ITGA3: variants seen among roughly 807,000 people sequenced by gnomAD.
ITGA3 encodes integrin alpha-3.
In ITGA3, 70 loss-of-function variants were observed where a neutral mutation model predicts 131.1. That is an observed-to-expected ratio of 0.53 (90% CI 0.44 to 0.65). The LOEUF (loss-of-function observed/expected upper bound fraction) is 0.65, where lower values mean the gene tolerates loss of function less well. Among genes scored for constraint, ITGA3 ranks in the 30% least tolerant of loss-of-function variants. The pLI, the probability that ITGA3 is intolerant of heterozygous loss-of-function variation, is 0.00. For synonymous variants in ITGA3, 537 were observed against 571.6 expected, an observed-to-expected ratio of 0.94 and a Z score of 0.86; for missense variants, 1,098 against 1,388.6, an observed-to-expected ratio of 0.79 and a Z score of 3.33.
intron 1 of ITGA3, among the ~76,000 whole-genome samples, chr17:50,059,917 C>T (rs558556284): frequency 6.6e-6 from 1 of 152,160 alleles, no homozygotes; most frequent in African/African-American, 2.4e-5. Context: ...CTCATTCTCT[C>T]TCTCCCTCCA....
At position 50,081,197 on chromosome 17, in the gene ITGA3, C is replaced by A. The variant is rs75181404; in HGVS notation, c.2821-113C>A. 5.2e-5 allele frequency: 33 copies of A among 635,602 alleles called. No individual in the cohort carries two copies. The South Asian group carries it at 6.5e-4, about 12-fold the overall frequency. The allele number at this position is 635,602 out of a possible 1,614,324, so 39.4% of individuals were successfully genotyped here. A position where few individuals can be genotyped will look rare whatever the true frequency, so the allele number is the denominator to read the frequency against. On this transcript the variant is annotated intron_variant, in intron 22 of 25. Coordinates refer to ENST00000320031, the MANE Select transcript of ITGA3 (RefSeq NM_002204.4). ...CCTGGCTGACAGATCCTTTGGGGTG[C>A]TGTTTAAGGATGCTACTTGGTGGGA...
Position 50,080,388 on chromosome 17 carries a change from G to T in ITGA3, c.2820+13G>T, listed in dbSNP as rs139327106. ...CACCTTCATCGAGGTCAGTGCCTGG[G>T]TCTGAAGGTCTCTCCTACCATCCAC... On this transcript the variant is annotated intron_variant, in intron 22 of 25. Coordinates refer to ENST00000320031, the MANE Select transcript of ITGA3 (RefSeq NM_002204.4). 4,488 of 1,532,310 alleles carry T rather than the reference G, an allele frequency of 2.9e-3. 140 individuals are homozygous for T. The South Asian group carries it at 0.048, about 16-fold the overall frequency. 94.9% of individuals were successfully genotyped at this position (1,532,310 alleles called of 1,614,324 possible). A position where few individuals can be genotyped will look rare whatever the true frequency, so the allele number is the denominator to read the frequency against.
Position 50,089,135 on chromosome 17 carries a change from A to G in ITGA3, c.*57A>G, listed in dbSNP as rs762235699. 6.2e-7 allele frequency: 1 copy of G among 1,613,264 alleles called. No individual in the cohort carries two copies. The highest frequency in any genetic ancestry group is 1.1e-5 in the South Asian group (1 of 91,040). On this transcript the variant is annotated 3_prime_UTR_variant, in exon 26 of 26. Transcript: ENST00000320031. ...TGTGACTTCTTTAAGCGGACCCGCT[A>G]TTATCAGATCATGCCCAAGTACCAC...
At chr17:50,087,619 G>A in intron 23 of ITGA3, 125 bp from the exon 24 acceptor site, 2 of 1,122,260 alleles carry the variant, frequency 1.8e-6, no homozygotes, top group African/African-American at 1.5e-5. Context: ...GCTTTTTCCA[G>A]TCCCAGGCTG....
chr17:50,064,886 A>T lies in ITGA3; in HGVS notation c.414+279A>T, dbSNP rs1908260647. On this transcript the variant is annotated intron_variant, in intron 3 of 25. Transcript: ENST00000320031. This position sits in a 1 kb window ranked among gnomAD's most constrained non-coding sequence, Gnocchi z 4.4. Reference sequence around the variant, plus strand: ...TGGGTGCTCAGCCTTCGTGGGAACAAGCCGAGGGAGCCGAGGGAACTGCAA... The same window carrying T: ...TGGGTGCTCAGCCTTCGTGGGAACATGCCGAGGGAGCCGAGGGAACTGCAA... 1 of 319,808 alleles carries T rather than the reference A, an allele frequency of 3.1e-6. No individual in the cohort carries two copies. Among genetic ancestry groups the T allele is most frequent in the Admixed American group, 4.8e-5 (1 of 20,632 alleles). 19.8% of individuals were successfully genotyped at this position (319,808 alleles called of 1,614,324 possible).
rs896798365 is a variant in ITGA3 at position 50,064,816 on chromosome 17, C to T, written c.414+209C>T. 22 of 518,712 alleles carry T rather than the reference C, an allele frequency of 4.2e-5. No individual in the cohort carries two copies. Among genetic ancestry groups the T allele is most frequent in the Middle Eastern group, 9.9e-4 (2 of 2,020 alleles). The allele number at this position is 518,712 out of a possible 1,614,324, so 32.1% of individuals were successfully genotyped here. A position where few individuals can be genotyped will look rare whatever the true frequency, so the allele number is the denominator to read the frequency against. ...TCCTGTGCTCTCCCAAACCCCCGCA[C>T]GGCCTGAGTTCTCTGACTCATCCAC... On this transcript the variant is annotated intron_variant, in intron 3 of 25. Coordinates refer to ENST00000320031, the MANE Select transcript of ITGA3 (RefSeq NM_002204.4). The surrounding 1 kb of genome is among the most constrained non-coding windows in gnomAD (Gnocchi z 4.4).
intron 23 of ITGA3, 168 bp from the exon 24 acceptor site, chr17:50,087,576 C>T (rs1403412986): frequency 1.5e-6 from 1 of 677,206 alleles, no homozygotes; most frequent in Admixed American, 2.5e-5. Context: ...GCAGGAAGGA[C>T]CACTGGACCT....
intron 23 of ITGA3, among the ~76,000 whole-genome samples, chr17:50,081,914 T>G (rs1055556087): frequency 1.3e-5 from 2 of 152,186 alleles, no homozygotes; most frequent in Non-Finnish European, 2.9e-5. Context: ...CAAGGCAGAA[T>G]GGAGGGAGGT....
At chr17:50,070,617 G>A (rs536141649) in intron 4 of ITGA3, among the ~76,000 whole-genome samples, 249 of 120,478 alleles carry the variant, frequency 2.1e-3, no homozygotes, top group Middle Eastern at 0.017. Flanking sequence ...TTGCACTCCA[G>A]CCTGGGCAAC....
At chr17:50,062,661 C>G (rs1908146567) in intron 1 of ITGA3, among the ~76,000 whole-genome samples, 1 of 151,298 alleles carries the variant, frequency 6.6e-6, no homozygotes, top group Non-Finnish European at 1.5e-5. Context: ...ACCCCAGGCC[C>G]TGGCATGCCC....
intron 23 of ITGA3, among the ~76,000 whole-genome samples, chr17:50,084,893 C>A (rs1248537770): frequency 6.6e-6 from 1 of 152,058 alleles, no homozygotes; most frequent in Non-Finnish European, 1.5e-5. Flanking sequence ...CCAGCCTGAG[C>A]AACACAGTGA....
At chr17:50,057,421 A>G (rs921383227) in intron 1 of ITGA3, among the ~76,000 whole-genome samples, 3 of 152,236 alleles carry the variant, frequency 2.0e-5, no homozygotes, top group Admixed American at 6.5e-5. Context: ...CTTCCCCAAC[A>G]GCTGCAAGGA....
chr17:50,071,578 C>A, intron 6 of ITGA3, 60 bp downstream of exon 6: 1 of 1,453,256 alleles, frequency 6.9e-7, no homozygotes, highest in East Asian at 2.4e-5. Context: ...GAAGGCTTAC[C>A]TAAGCCAGGT....
intron 19 of ITGA3, 50 bp from the exon 20 acceptor site, chr17:50,079,026 G>A (rs1253155684): frequency 1.9e-6 from 3 of 1,567,178 alleles, no homozygotes; most frequent in Non-Finnish European, 2.6e-6. Flanking sequence ...TTGGTAAGAT[G>A]GAGGTGGTTT....
In ITGA3 at chr17:50,077,911, A is replaced by T. The variant is rs11868159; in HGVS notation, c.2140-135A>T. The T allele has an allele frequency of 0.69, 462,394 of 665,618 alleles. 170,314 individuals carry two copies. The highest frequency in any genetic ancestry group is 0.8 in the Non-Finnish European group (308,006 of 386,320). The allele number at this position is 665,618 out of a possible 1,614,324, so 41.2% of individuals were successfully genotyped here. Reference sequence around the variant, plus strand: ...GCAGAGGTGGGGTGGGGAGGTAGAGACCCCTCACCCAGAATAGGAGGAGGA... The same window carrying T: ...GCAGAGGTGGGGTGGGGAGGTAGAGTCCCCTCACCCAGAATAGGAGGAGGA... On this transcript the variant is annotated intron_variant, in intron 16 of 25. Coordinates refer to ENST00000320031, the MANE Select transcript of ITGA3 (RefSeq NM_002204.4).
At chr17:50,067,437 G>T (rs1435428505) in intron 3 of ITGA3, among the ~76,000 whole-genome samples, 5 of 152,160 alleles carry the variant, frequency 3.3e-5, no homozygotes, top group African/African-American at 4.8e-5. Flanking sequence ...GAAGGAGACA[G>T]CCTTGGTTTG....
In ITGA3 at chr17:50,075,609, C is replaced by T. The variant is rs780464850; in HGVS notation, c.1548C>T (p.Tyr516=). The change falls in exon 12 of 26, where the codon TAC becomes TAT. Residue 516 remains tyrosine, a synonymous_variant. Coordinates refer to ENST00000320031, the MANE Select transcript of ITGA3 (RefSeq NM_002204.4). The part of the protein sequence containing the change: ...PNYRRNITLA[Y]TLEADRDRRP... ...CCTGTCTACCTGTAGCCCTGGCCTA[C>T]ACTCTGGAGGCTGACAGGGACCGCC... 26 of 1,614,128 alleles carry T rather than the reference C, an allele frequency of 1.6e-5. No individual in the cohort carries two copies. The highest frequency in any genetic ancestry group is 8.8e-5 in the South Asian group (8 of 91,092).
At position 50,056,978 on chromosome 17, in the gene ITGA3, G is replaced by C. The variant is rs1907856852; in HGVS notation, c.206+333G>C. 6.6e-6 allele frequency among the ~76,000 whole-genome samples: 1 copy of C among 152,200 alleles called. No homozygotes were observed. Among genetic ancestry groups the C allele is most frequent in the African/African-American group, 2.4e-5 (1 of 41,450 alleles). On this transcript the variant is annotated intron_variant, in intron 1 of 25. Transcript: ENST00000320031. The surrounding 1 kb of genome is among the most constrained non-coding windows in gnomAD (Gnocchi z 5.6). The stretch of plus-strand genomic sequence containing the variant: ...CACTAGCCTGTTCTCTCCAGGGCTG[G>C]GAGCTGGGGTAAACTGCAAGATAAA...
chr17:50,056,174 T>A lies in ITGA3; in HGVS notation c.-266T>A, dbSNP rs1288249491. 2 of 401,452 alleles carry A rather than the reference T, an allele frequency of 5.0e-6. No homozygotes were observed. Among genetic ancestry groups the A allele is most frequent in the Non-Finnish European group, 8.8e-6 (2 of 227,238 alleles). 24.9% of individuals were successfully genotyped at this position (401,452 alleles called of 1,614,324 possible). On this transcript the variant is annotated 5_prime_UTR_variant, in exon 1 of 26. Coordinates refer to ENST00000320031, the MANE Select transcript of ITGA3 (RefSeq NM_002204.4). The surrounding 1 kb of genome is among the most constrained non-coding windows in gnomAD (Gnocchi z 5.6). ...CCAAGGGGGCGCGGCCGGGACAAGC[T>A]GGGGGCCGGTTGCCCGGGGCAGGGA...
Sources: allele counts gnomAD v4.1 joint callset (sites outside exome capture counted in the v4.1 genomes callset), GRCh38; gene constraint gnomAD v4.1.1; non-coding constraint Gnocchi (gnomAD v3.1); transcripts MANE v1.5; gene names NCBI Gene and HGNC (gene_info 2026-07-23, HGNC 2026-07-21).